NFIB: variants seen among roughly 807,000 people sequenced by gnomAD.
The protein encoded by NFIB is nuclear factor 1 B-type.
NFIB carries 11 observed loss-of-function variants against 61.5 expected under a neutral mutation model. The observed-to-expected ratio is 0.18, with a 90% CI of 0.11 to 0.30. The LOEUF (loss-of-function observed/expected upper bound fraction) is 0.30. Ranked by LOEUF, NFIB falls within the 10% of genes least tolerant of loss-of-function variation. NFIB has a pLI of 1.00. For missense variants in NFIB, 471 were observed against 608.9 expected, an observed-to-expected ratio of 0.77 and a Z score of 2.38; for synonymous variants, 260 against 216.5, an observed-to-expected ratio of 1.20 and a Z score of -1.76.
At chr9:14,513,971 T>A in the NFIB span, among the ~76,000 whole-genome samples, 1 of 152,244 alleles carries the variant, frequency 6.6e-6, no homozygotes, top group African/African-American at 2.4e-5. Flanking sequence ...TTTTATTTTC[T>A]TAACAGTCTA....
Position 14,120,295 on chromosome 9 carries a change from T to C in NFIB, c.1245+145A>G. On this transcript the variant is annotated intron_variant, in intron 8 of 10. Coordinates refer to ENST00000380953, the MANE Select transcript of NFIB (RefSeq NM_001190737.2). This position sits in a 1 kb window ranked among gnomAD's most constrained non-coding sequence, Gnocchi z 4.4. ...ATTCAGCCACCTTTAAATAAAAACT[T>C]ATTGAGTCACCAAGCAACTTCCTGA... is the stretch of plus-strand genomic sequence containing the variant. The C allele has an allele frequency of 1.2e-6, 1 of 848,776 alleles. No individual in the cohort carries two copies. The highest frequency in any genetic ancestry group is 1.5e-5 in the South Asian group (1 of 68,300). The allele number at this position is 848,776 out of a possible 1,614,324, so 52.6% of individuals were successfully genotyped here. A position where few individuals can be genotyped will look rare whatever the true frequency, so the allele number is the denominator to read the frequency against.
chr9:14,131,319 C>G (rs1430763342), intron 6 of NFIB, among the ~76,000 whole-genome samples: 2 of 152,130 alleles, frequency 1.3e-5, no homozygotes, highest in Admixed American at 1.3e-4. Context: ...AAGTATTTTG[C>G]AAAATCAAAT....
At chr9:14,196,576 A>G (rs1048508512) in intron 2 of NFIB, among the ~76,000 whole-genome samples, 5 of 152,082 alleles carry the variant, frequency 3.3e-5, no homozygotes, top group African/African-American at 1.2e-4. Context: ...AACAGTAATT[A>G]GGAGCATCAA....
In NFIB at chr9:14,222,134, T is replaced by G. The variant is rs189179091; in HGVS notation, c.563-42354A>C. Among the ~76,000 whole-genome samples the G allele has an allele frequency of 2.9e-3, 446 of 152,300 alleles. 9 individuals carry two copies. Among genetic ancestry groups the G allele is most frequent in the Admixed American group, 0.022 (332 of 15,290 alleles). ...TTGATATTGCAAAGACTTCCTCCCT[T>G]GTCAACTGTTTCCAGTTCATCTTTC... On this transcript the variant is annotated intron_variant, in intron 2 of 10. Coordinates refer to ENST00000380953, the MANE Select transcript of NFIB (RefSeq NM_001190737.2).
intron 2 of NFIB, among the ~76,000 whole-genome samples, chr9:14,181,676 A>C (rs138291501): frequency 6.6e-6 from 1 of 152,302 alleles, no homozygotes; most frequent in Non-Finnish European, 1.5e-5. Flanking sequence ...TTGATATTAC[A>C]TTCCAGTTTA....
the NFIB span, among the ~76,000 whole-genome samples, chr9:14,468,930 C>G: frequency 2.0e-5 from 3 of 152,256 alleles, no homozygotes; most frequent in East Asian, 5.8e-4. Context: ...TGGCTTCTCA[C>G]TCTCATATCC....
At chr9:14,478,106 C>A in the NFIB span, among the ~76,000 whole-genome samples, 2 of 152,146 alleles carry the variant, frequency 1.3e-5, no homozygotes, top group Non-Finnish European at 2.9e-5. Context: ...CTTATATGGT[C>A]AACTTGGCCC....
chr9:14,427,947 T>TTTTTGTTTGTTG, the NFIB span, among the ~76,000 whole-genome samples: 2 of 101,626 alleles, frequency 2.0e-5, 1 homozygote, highest in Non-Finnish European at 4.0e-5. Flanking sequence ...GTTTTTTTTT[T>TTTTTGTTTGTTG]TTTTTTTTTT....
At chr9:14,261,906 G>C (rs932971190) in intron 2 of NFIB, among the ~76,000 whole-genome samples, 1 of 152,114 alleles carries the variant, frequency 6.6e-6, no homozygotes, top group Non-Finnish European at 1.5e-5. Flanking sequence ...GGCAGATAAG[G>C]GAACTTCAGG....
At chr9:14,145,793 G>A (rs1464496652) in intron 6 of NFIB, among the ~76,000 whole-genome samples, 1 of 151,650 alleles carries the variant, frequency 6.6e-6, no homozygotes, top group Non-Finnish European at 1.5e-5. Flanking sequence ...TGAGACTACA[G>A]GCGCACACCA....
At chr9:14,240,319 A>AT (rs2054225108) in intron 2 of NFIB, among the ~76,000 whole-genome samples, 1 of 152,032 alleles carries the variant, frequency 6.6e-6, no homozygotes, top group African/African-American at 2.4e-5. Flanking sequence ...ATCCTGCCAT[A>AT]TATCTTTATA....
At chr9:14,221,452 T>G (rs2051664471) in intron 2 of NFIB, among the ~76,000 whole-genome samples, 2 of 152,350 alleles carry the variant, frequency 1.3e-5, no homozygotes, top group Admixed American at 1.3e-4. Context: ...TGTGCATTAT[T>G]ATTAGCTCCA....
chr9:14,387,541 G>GA (rs2133020526), intron 1 of NFIB, among the ~76,000 whole-genome samples: 1 of 152,248 alleles, frequency 6.6e-6, no homozygotes, highest in South Asian at 2.1e-4. Flanking sequence ...CAACTCAATG[G>GA]AAAAATGAGC....
chr9:14,456,568 T>C, the NFIB span, among the ~76,000 whole-genome samples: 1 of 152,136 alleles, frequency 6.6e-6, no homozygotes, highest in Non-Finnish European at 1.5e-5. Context: ...ATTAATTGGC[T>C]CTTATTCATA....
At chr9:14,181,923 T>G (rs953848841) in intron 2 of NFIB, among the ~76,000 whole-genome samples, 1 of 152,178 alleles carries the variant, frequency 6.6e-6, no homozygotes, top group East Asian at 1.9e-4. Context: ...TGCATGAGCC[T>G]TAGCATGTTT....
chr9:14,497,596 TTTACAAATTGCCTC>T, the NFIB span, among the ~76,000 whole-genome samples: 1 of 152,210 alleles, frequency 6.6e-6, no homozygotes, highest in Non-Finnish European at 1.5e-5. Flanking sequence ...AATGAGGCAC[TTTACAAATTGCCTC>T]ATAAGGACCC....
chr9:14,355,519 G>C (rs1296678622), intron 1 of NFIB, among the ~76,000 whole-genome samples: 1 of 152,230 alleles, frequency 6.6e-6, no homozygotes. Flanking sequence ...GCCATTTGGA[G>C]ATGCAGACCC....
At chr9:14,357,642 T>C (rs1429485713) in intron 1 of NFIB, 1 of 152,198 alleles carries the variant, frequency 6.6e-6, no homozygotes, top group Non-Finnish European at 1.5e-5. Flanking sequence ...AAAGAGACCA[T>C]TGGTTTAAGA....
At chr9:14,398,014 T>C (rs1036773815) in intron 1 of NFIB, among the ~76,000 whole-genome samples, 14 of 152,144 alleles carry the variant, frequency 9.2e-5, no homozygotes, top group African/African-American at 3.4e-4. Context: ...AGGCTCCATG[T>C]AATGTGCTCA....
Sources: allele counts gnomAD v4.1 joint callset (sites outside exome capture counted in the v4.1 genomes callset), GRCh38; gene constraint gnomAD v4.1.1; non-coding constraint Gnocchi (gnomAD v3.1); transcripts MANE v1.5; gene names NCBI Gene and HGNC (gene_info 2026-07-23, HGNC 2026-07-21).